DUSP29: variants seen among roughly 807,000 people sequenced by gnomAD.
The protein encoded by DUSP29 is atypical dual-specific protein phosphatase.
A neutral mutation model predicts 13.5 loss-of-function variants in DUSP29; 12 were observed. The observed-to-expected ratio is 0.89, with a 90% CI of 0.57 to 1.44. The LOEUF is 1.44. Ranked by LOEUF, DUSP29 falls within the 40% of genes most tolerant of loss-of-function variation. The pLI, the probability that DUSP29 is intolerant of heterozygous loss-of-function variation, is 0.00. For synonymous variants in DUSP29, 134 were observed against 128.7 expected, an observed-to-expected ratio of 1.04 and a Z score of -0.28; for missense variants, 308 against 301.1, an observed-to-expected ratio of 1.02 and a Z score of -0.17.
chr10:75,051,046 G>A (rs1846817412), intron 2 of DUSP29, among the ~76,000 whole-genome samples: 1 of 152,204 alleles, frequency 6.6e-6, no homozygotes, highest in Non-Finnish European at 1.5e-5. Flanking sequence ...TTTGAAACCC[G>A]CAGGCCCAAG....
intron 1 of DUSP29, among the ~76,000 whole-genome samples, chr10:75,072,917 C>A (rs1441453181): frequency 6.6e-6 from 1 of 151,924 alleles, no homozygotes; most frequent in Admixed American, 6.5e-5. Context: ...GAGACACAGG[C>A]CCATCCCGCC....
chr10:75,044,031 A>G lies in DUSP29; in HGVS notation c.201-14T>C. On this transcript the variant is annotated splice_polypyrimidine_tract_variant and intron_variant, in intron 2 of 3. Transcript: ENST00000338487. ...AGCGCCGTCGCCCTGGGCGCAGGGG[A>G]GAGAAATCTGTGGGCGCGCGGCGCC... 6.3e-7 allele frequency: 1 copy of G among 1,598,622 alleles called. No homozygotes were observed. The highest frequency in any genetic ancestry group is 8.5e-7 in the Non-Finnish European group (1 of 1,171,872).
Position 75,050,035 on chromosome 10 carries a change from C to T in DUSP29, c.201-6018G>A, listed in dbSNP as rs12573064. 3.9e-5 allele frequency among the ~76,000 whole-genome samples: 6 copies of T among 152,204 alleles called. No homozygotes were observed. The East Asian group carries it at 1.2e-3, about 29-fold the overall frequency. ...ATTCCATGAGCAGCAGAAGTTTAAC[C>T]TCACCCTGGCACTGGCTCTCCGACA... On this transcript the variant is annotated intron_variant, in intron 2 of 3. Transcript: ENST00000338487.
At chr10:75,043,178 C>G (rs1846621123) in intron 3 of DUSP29, among the ~76,000 whole-genome samples, 1 of 152,262 alleles carries the variant, frequency 6.6e-6, no homozygotes, top group South Asian at 2.1e-4. Context: ...AGCTTGTCAG[C>G]TTTCTACTGG....
intron 1 of DUSP29, among the ~76,000 whole-genome samples, chr10:75,061,450 T>C (rs527252205): frequency 6.6e-6 from 1 of 152,236 alleles, no homozygotes; most frequent in Non-Finnish European, 1.5e-5. Flanking sequence ...CAAAGTGTGG[T>C]CTGAAGACCA....
Position 75,058,332 on chromosome 10 carries a change from C to T in DUSP29, c.183G>A (p.Lys61=). Residue 61 remains lysine (K), a synonymous_variant, in exon 2 of 4, where the codon AAG becomes AAA. Transcript: ENST00000338487. The stretch of plus-strand genomic sequence containing the variant: ...GCACTTACTCATCGCCAATGTAGAG[C>T]TTGGGCCAGACCTCGTTGACGTGGG... ...QYTHVNEVWP[K]LYIGDEATAL... 1 of 1,613,812 alleles carries T rather than the reference C, an allele frequency of 6.2e-7. No homozygotes were observed. Among genetic ancestry groups the T allele is most frequent in the East Asian group, 2.2e-5 (1 of 44,870 alleles).
intron 2 of DUSP29, among the ~76,000 whole-genome samples, chr10:75,053,755 G>A (rs1846895773): frequency 6.6e-6 from 1 of 151,878 alleles, no homozygotes; most frequent in African/African-American, 2.4e-5. Flanking sequence ...TGAGAACTTG[G>A]GCTGGTCACT....
intron 3 of DUSP29, among the ~76,000 whole-genome samples, chr10:75,039,656 G>A (rs1846544833): frequency 6.6e-6 from 1 of 152,214 alleles, no homozygotes; most frequent in African/African-American, 2.4e-5. Flanking sequence ...CCCGCAGCCA[G>A]GTGTGCTCCT....
chr10:75,054,350 CAT>C (rs1384286367), intron 2 of DUSP29, among the ~76,000 whole-genome samples: 1 of 152,064 alleles, frequency 6.6e-6, no homozygotes, highest in Admixed American at 6.5e-5. Context: ...AAAGTGAAAA[CAT>C]AAAAATAACT....
intron 3 of DUSP29, among the ~76,000 whole-genome samples, chr10:75,038,406 G>A (rs528067962): frequency 2.6e-5 from 4 of 152,042 alleles, no homozygotes; most frequent in South Asian, 2.1e-4. Flanking sequence ...TTGCTGTTTC[G>A]GATCTGGGGG....
intron 2 of DUSP29, among the ~76,000 whole-genome samples, chr10:75,050,512 A>G (rs1443604758): frequency 6.6e-6 from 1 of 152,292 alleles, no homozygotes; most frequent in Non-Finnish European, 1.5e-5. Flanking sequence ...CATTTCTTAA[A>G]TAATTTTATT....
chr10:75,042,694 C>T (rs1432762639), intron 3 of DUSP29, among the ~76,000 whole-genome samples: 7 of 152,236 alleles, frequency 4.6e-5, no homozygotes. Context: ...CCATTAAGGT[C>T]TGATATTGTC....
At chr10:75,064,244 T>C (rs1847147428) in intron 1 of DUSP29, among the ~76,000 whole-genome samples, 2 of 152,008 alleles carry the variant, frequency 1.3e-5, no homozygotes, top group Admixed American at 6.6e-5. Flanking sequence ...GCACGGTGGC[T>C]CACGCCTGTA....
At chr10:75,057,303 A>G (rs1846983268) in intron 2 of DUSP29, among the ~76,000 whole-genome samples, 1 of 152,128 alleles carries the variant, frequency 6.6e-6, no homozygotes, top group South Asian at 2.1e-4. Flanking sequence ...AAGAAAAAAA[A>G]TAAATACAAT....
chr10:75,040,435 C>A lies in DUSP29; in HGVS notation c.422-2358G>T, dbSNP rs200337599. Among the ~76,000 whole-genome samples, 9 of 152,246 alleles carry A rather than the reference C, an allele frequency of 5.9e-5. No homozygotes were observed. In the East Asian group the frequency reaches 1.3e-3, roughly 23 times the overall value. ...AAGACTTCATTAAATTAAAACCACACTAATTCACCTCGGAGGATGCCGAAT... is the reference window on the plus strand; with the variant it reads ...AAGACTTCATTAAATTAAAACCACAATAATTCACCTCGGAGGATGCCGAAT... On this transcript the variant is annotated intron_variant, in intron 3 of 3. Transcript: ENST00000338487.
chr10:75,048,906 T>C (rs1025857930), intron 2 of DUSP29, among the ~76,000 whole-genome samples: 1 of 152,224 alleles, frequency 6.6e-6, no homozygotes, highest in African/African-American at 2.4e-5. Context: ...GTGGCAGAAC[T>C]GCTGGGAGCC....
intron 1 of DUSP29, among the ~76,000 whole-genome samples, chr10:75,068,111 C>T (rs1202017480): frequency 6.6e-6 from 1 of 152,272 alleles, no homozygotes; most frequent in South Asian, 2.1e-4. Flanking sequence ...CTGCACCTAG[C>T]CTTCTGCAAG....
At chr10:75,042,752 A>G (rs879734913) in intron 3 of DUSP29, among the ~76,000 whole-genome samples, 4 of 152,276 alleles carry the variant, frequency 2.6e-5, no homozygotes, top group Admixed American at 6.5e-5. Flanking sequence ...TTCCTGCAGC[A>G]GACTATTTGG....
rs759459941 is a variant in DUSP29, at chr10:75,037,953, G to A, written c.546C>T (p.Cys182=). Residue 182 remains cysteine, a synonymous_variant, in exon 4 of 4, where the codon TGC becomes TGT. Transcript: ENST00000338487. ...TCAAAAAGCCCCGGTTCGGGAGGAC[G>A]CAGCGGTTCTTGGCCACTTGCTGGA... The part of the protein sequence containing the change: ...DAIQQVAKNR[C]VLPNRGFLKQ... 5.0e-6 allele frequency: 8 copies of A among 1,613,940 alleles called. No homozygotes were observed. The highest frequency in any genetic ancestry group is 1.7e-4 in the Middle Eastern group (1 of 6,054).
Sources: allele counts gnomAD v4.1 joint callset (sites outside exome capture counted in the v4.1 genomes callset), GRCh38; gene constraint gnomAD v4.1.1; transcripts MANE v1.5; gene names NCBI Gene and HGNC (gene_info 2026-07-23, HGNC 2026-07-21).